DOCK2: variants seen among roughly 807,000 people sequenced by gnomAD.
DOCK2 encodes the protein dedicator of cytokinesis 2, also known as dedicator of cytokinesis protein 2.
A neutral mutation model predicts 248.9 loss-of-function variants in DOCK2; 87 were observed. The observed-to-expected ratio is 0.35, with a 90% CI of 0.29 to 0.42. DOCK2 has a LOEUF of 0.42. DOCK2 is among the 10% of genes least tolerant of loss of function. The pLI, the probability that DOCK2 is intolerant of heterozygous loss-of-function variation, is 1.00. For missense variants in DOCK2, 1,747 were observed against 2,300.2 expected, an observed-to-expected ratio of 0.76 and a Z score of 4.92; for synonymous variants, 805 against 821.6, an observed-to-expected ratio of 0.98 and a Z score of 0.35.
chr5:170,035,243 G>A (rs1032706480), intron 35 of DOCK2, among the ~76,000 whole-genome samples: 1 of 152,170 alleles, frequency 6.6e-6, no homozygotes, highest in Admixed American at 6.5e-5. Context: ...TATTCACCGT[G>A]TCATCCCACC....
At chr5:170,026,359 G>C (rs1266997556) in intron 33 of DOCK2, among the ~76,000 whole-genome samples, 1 of 152,108 alleles carries the variant, frequency 6.6e-6, no homozygotes, top group East Asian at 1.9e-4. Flanking sequence ...TGACACCGAG[G>C]GTTGTACCAA....
intron 26 of DOCK2, among the ~76,000 whole-genome samples, chr5:169,828,412 G>A (rs1010506415): frequency 6.6e-6 from 1 of 152,260 alleles, no homozygotes; most frequent in East Asian, 1.9e-4. Flanking sequence ...CGGCCTCCCA[G>A]CTTGGTTTTG....
intron 47 of DOCK2, among the ~76,000 whole-genome samples, chr5:170,076,706 ATT>A (rs1487455612): frequency 6.6e-6 from 1 of 152,208 alleles, no homozygotes; most frequent in East Asian, 1.9e-4. Context: ...CAGCCTTCCC[ATT>A]TTACAGATGG....
At chr5:169,999,142 G>A (rs113452181) in intron 30 of DOCK2, among the ~76,000 whole-genome samples, 12 of 152,234 alleles carry the variant, frequency 7.9e-5, no homozygotes, top group African/African-American at 2.9e-4. Flanking sequence ...AGTCCTTCAG[G>A]GCATTCCTTT....
intron 2 of DOCK2, among the ~76,000 whole-genome samples, chr5:169,665,805 G>A (rs937346402): frequency 6.6e-6 from 1 of 152,134 alleles, no homozygotes; most frequent in Admixed American, 6.5e-5. Flanking sequence ...AGGGAGGACT[G>A]GATCTCTAGA....
At chr5:169,641,806 C>G (rs1330352154) in intron 1 of DOCK2, among the ~76,000 whole-genome samples, 2 of 152,198 alleles carry the variant, frequency 1.3e-5, no homozygotes, top group African/African-American at 4.8e-5. Flanking sequence ...CAGCATGCAA[C>G]CCACCCATCT....
rs1764668934 is a variant in DOCK2 at position 169,764,734 on chromosome 5, T to C, written c.2554+3109T>C. Among the ~76,000 whole-genome samples, 1 of 152,184 alleles carries C rather than the reference T, an allele frequency of 6.6e-6. No individual in the cohort carries two copies. The highest frequency in any genetic ancestry group is 1.5e-5 in the Non-Finnish European group (1 of 68,028). ...AAGGGCATCCCTTAACGTTTGATAG[T>C]TGCACACAACCCTCAACTACATGGT... On this transcript the variant is annotated intron_variant, in intron 25 of 51. Coordinates refer to ENST00000520908, the MANE Select transcript of DOCK2 (RefSeq NM_004946.3). The surrounding 1 kb of genome is among the most constrained non-coding windows in gnomAD (Gnocchi z 4.3).
chr5:169,659,789 G>A (rs1390976792), intron 2 of DOCK2, among the ~76,000 whole-genome samples: 1 of 152,138 alleles, frequency 6.6e-6, no homozygotes, highest in South Asian at 2.1e-4. Flanking sequence ...GGAAAACACA[G>A]GTAAGTGTAT....
intron 27 of DOCK2, among the ~76,000 whole-genome samples, chr5:169,955,177 C>T (rs568923468): frequency 2.6e-5 from 4 of 152,176 alleles, no homozygotes; most frequent in Admixed American, 1.3e-4. Context: ...ATGACGAGAT[C>T]GCCAGGCAGC....
chr5:169,984,985 C>T (rs1778029164), intron 28 of DOCK2, among the ~76,000 whole-genome samples: 1 of 152,188 alleles, frequency 6.6e-6, no homozygotes, highest in Admixed American at 6.5e-5. Context: ...GTGGCACGAT[C>T]TTGGCTCACT....
chr5:170,039,451 C>A (rs1008020363), intron 36 of DOCK2, among the ~76,000 whole-genome samples: 1 of 152,200 alleles, frequency 6.6e-6, no homozygotes, highest in South Asian at 2.1e-4. Context: ...ACAGTGCCTG[C>A]GTTTGTCACT....
chr5:169,637,734 C>T (rs997190514), intron 1 of DOCK2, among the ~76,000 whole-genome samples: 1 of 152,216 alleles, frequency 6.6e-6, no homozygotes, highest in Non-Finnish European at 1.5e-5. Flanking sequence ...GCTCCACTCT[C>T]CCCTGGCTCA....
Position 169,810,989 on chromosome 5 carries a change from T to TCACACA in DOCK2, c.2703+7813_2703+7818dup, listed in dbSNP as rs55987604. On this transcript the variant is annotated intron_variant, in intron 26 of 51. Coordinates refer to ENST00000520908, the MANE Select transcript of DOCK2 (RefSeq NM_004946.3). ...CACACAGACTCTCTCTCTCTCTCTC[T>TCACACA]CACACACACACACACACACACACAC... Among the ~76,000 whole-genome samples the TCACACA allele has an allele frequency of 8.3e-3, 808 of 97,308 alleles. 3 individuals carry two copies. Among genetic ancestry groups the TCACACA allele is most frequent in the Middle Eastern group, 0.03 (6 of 200 alleles). The allele number at this position is 97,308 out of a possible 152,430, so 63.8% of individuals were successfully genotyped here.
At chr5:169,824,955 C>T (rs139318004) in intron 26 of DOCK2, among the ~76,000 whole-genome samples, 138 of 152,186 alleles carry the variant, frequency 9.1e-4, no homozygotes, top group African/African-American at 3.2e-3. Context: ...AACAAGTGGG[C>T]AAAGGATATG....
intron 26 of DOCK2, among the ~76,000 whole-genome samples, chr5:169,813,950 G>C (rs577353202): frequency 1.3e-5 from 2 of 152,172 alleles, no homozygotes; most frequent in Non-Finnish European, 2.9e-5. Flanking sequence ...TCACCTGGTA[G>C]GTTTTGGCCT....
At chr5:169,917,007 G>T (rs1473612482) in intron 27 of DOCK2, among the ~76,000 whole-genome samples, 2 of 152,156 alleles carry the variant, frequency 1.3e-5, no homozygotes, top group Non-Finnish European at 2.9e-5. Context: ...TTGCAAATAT[G>T]GTGGATCTCA....
intron 46 of DOCK2, among the ~76,000 whole-genome samples, chr5:170,072,894 T>C (rs1490309496): frequency 2.0e-5 from 3 of 152,228 alleles, no homozygotes; most frequent in Non-Finnish European, 4.4e-5. Flanking sequence ...TATAGGAGTT[T>C]ATATATTCTA....
chr5:169,722,455 A>C (rs992516375), intron 22 of DOCK2, among the ~76,000 whole-genome samples: 1 of 152,188 alleles, frequency 6.6e-6, no homozygotes, highest in Non-Finnish European at 1.5e-5. Context: ...ACAGATCCTC[A>C]TGCTGCCCCA....
chr5:169,839,964 A>C (rs1006673276), intron 26 of DOCK2, among the ~76,000 whole-genome samples: 3 of 152,186 alleles, frequency 2.0e-5, no homozygotes, highest in Admixed American at 6.5e-5. Context: ...TCAGATCCTG[A>C]CTATTAGATG....
Sources: allele counts gnomAD v4.1 joint callset (sites outside exome capture counted in the v4.1 genomes callset), GRCh38; gene constraint gnomAD v4.1.1; non-coding constraint Gnocchi (gnomAD v3.1); transcripts MANE v1.5; gene names NCBI Gene and HGNC (gene_info 2026-07-23, HGNC 2026-07-21).